MIGA1: variants seen among roughly 807,000 people sequenced by gnomAD.
MIGA1 encodes the protein mitoguardin 1, also known as family with sequence similarity 73, member A.
In MIGA1, 58 loss-of-function variants were observed where a neutral mutation model predicts 82.0. That is an observed-to-expected ratio of 0.71 (90% CI 0.57 to 0.88). The LOEUF (loss-of-function observed/expected upper bound fraction) is 0.88, where lower values mean the gene tolerates loss of function less well. MIGA1 is among the 40% of genes least tolerant of loss of function. The probability of loss-of-function intolerance (pLI) is 0.00; values close to 1 mark genes in which losing one functional copy is unlikely to be tolerated. For synonymous variants in MIGA1, 249 were observed against 253.6 expected (o/e 0.98, Z 0.17); for missense variants, 751 against 749.1 (o/e 1.00, Z -0.03).
chr1:77,793,565 T>C (rs554270877), intron 2 of MIGA1, among the ~76,000 whole-genome samples: 1 of 151,994 alleles, frequency 6.6e-6, no homozygotes, highest in South Asian at 2.1e-4. Flanking sequence ...GCTCAAGTGA[T>C]TCTCATGCCT....
chr1:77,859,387 G>A lies in MIGA1; in HGVS notation c.1188+1G>A. 6.2e-7 allele frequency: 1 copy of A among 1,612,340 alleles called. No homozygotes were observed. The highest frequency in any genetic ancestry group is 8.5e-7 in the Non-Finnish European group (1 of 1,178,510). ...TCACTGTATTCGACAGGCTTTTCAG[G>A]TATTTTTTTAACATTAAGTGACTTC... On this transcript the variant is annotated splice_donor_variant, in intron 10 of 15. Transcript: ENST00000370791. LOFTEE classifies it high-confidence loss of function.
intron 7 of MIGA1, among the ~76,000 whole-genome samples, chr1:77,821,100 C>T (rs544508781): frequency 6.6e-6 from 1 of 151,054 alleles, no homozygotes; most frequent in Non-Finnish European, 1.5e-5. Flanking sequence ...TGCCATTGCA[C>T]TCCAGACTGG....
chr1:77,856,440 A>C (rs372450831), intron 8 of MIGA1, among the ~76,000 whole-genome samples: 366 of 152,272 alleles, frequency 2.4e-3, no homozygotes, highest in Non-Finnish European at 4.6e-3. Context: ...AATAGTGTCA[A>C]AAGGATTAGT....
rs181743287 is a variant in MIGA1 at position 77,862,742 on chromosome 1, A to G, written c.1375-1152A>G. Among the ~76,000 whole-genome samples the G allele has an allele frequency of 1.6e-4, 24 of 152,186 alleles. No homozygotes were observed. In the East Asian group the frequency reaches 4.7e-3, roughly 30 times the overall value. Reference sequence around the variant, plus strand: ...GATCACTTGAGGCCAGGAGTTTGAGATCAGCCAGGCCAACATGGTGAAGCC... The same window carrying G: ...GATCACTTGAGGCCAGGAGTTTGAGGTCAGCCAGGCCAACATGGTGAAGCC... On this transcript the variant is annotated intron_variant, in intron 12 of 15. Coordinates refer to ENST00000370791, the MANE Select transcript of MIGA1 (RefSeq NM_198549.4).
Position 77,810,165 on chromosome 1 carries a change from A to AAC in MIGA1, c.637+3066_637+3067dup, listed in dbSNP as rs540206820. Among the ~76,000 whole-genome samples the AAC allele has an allele frequency of 4.9e-4, 72 of 145,508 alleles. 1 individual carries two copies. In the South Asian group the frequency reaches 0.017, roughly 34 times the overall value. On this transcript the variant is annotated intron_variant, in intron 5 of 15. Transcript: ENST00000370791. ...AAAGAGTAACAATGTGATGTAGAAG[A>AAC]ACAGCTAATCGACATGACTAAAAAT...
At position 77,779,691 on chromosome 1, in the gene MIGA1, G is replaced by A. The variant is rs1386387676; in HGVS notation, c.36G>A (p.Trp12Ter). 3 of 1,590,588 alleles carry A rather than the reference G, an allele frequency of 1.9e-6. No homozygotes were observed. The highest frequency in any genetic ancestry group is 1.1e-5 in the South Asian group (1 of 87,260). ...GCTGCTCAGCGCCAGGCATCAGCTGGGAAGCTGGCGTGGGCAGGCCAGCTG... is the reference window on the plus strand; with the variant it reads ...GCTGCTCAGCGCCAGGCATCAGCTGAGAAGCTGGCGTGGGCAGGCCAGCTG... Residue 12 changes from tryptophan to a stop codon, truncating the protein, a stop_gained, in exon 1 of 16, where the codon TGG becomes TGA. It introduces an in-frame stop codon into an upstream open reading frame of the 5' UTR. Coordinates refer to ENST00000370791, the MANE Select transcript of MIGA1 (RefSeq NM_198549.4). LOFTEE classifies it high-confidence loss of function.
intron 7 of MIGA1, among the ~76,000 whole-genome samples, chr1:77,827,475 AAAAAT>A (rs917739103): frequency 9.2e-5 from 14 of 151,918 alleles, no homozygotes; most frequent in African/African-American, 3.4e-4. Context: ...CCCTGTCTCA[AAAAAT>A]AAAATAAAAT....
In MIGA1 at chr1:77,878,056, T is replaced by C. The variant is rs542764268; in HGVS notation, c.*2992T>C. Reference sequence around the variant, plus strand: ...CTTGAACTTTTTAAAGGAAATGTCCTCTTGAAAAGAACATTTCTGACTGCA... The same window carrying C: ...CTTGAACTTTTTAAAGGAAATGTCCCCTTGAAAAGAACATTTCTGACTGCA... On this transcript the variant is annotated 3_prime_UTR_variant, in exon 16 of 16. Transcript: ENST00000370791. 21 of 152,132 alleles carry C rather than the reference T, an allele frequency of 1.4e-4. No individual in the cohort carries two copies. The highest frequency in any genetic ancestry group is 2.5e-4 in the Non-Finnish European group (17 of 68,018). The allele number at this position is 152,132 out of a possible 1,614,324, so 9.4% of individuals were successfully genotyped here. A position where few individuals can be genotyped will look rare whatever the true frequency, so the allele number is the denominator to read the frequency against.
At chr1:77,849,135 C>T (rs1684950586) in intron 8 of MIGA1, among the ~76,000 whole-genome samples, 1 of 152,278 alleles carries the variant, frequency 6.6e-6, no homozygotes, top group Non-Finnish European at 1.5e-5. Flanking sequence ...TGTGGTAGCT[C>T]GTGCCTGTAA....
chr1:77,854,994 C>A (rs1345102235), intron 8 of MIGA1, among the ~76,000 whole-genome samples: 2 of 152,094 alleles, frequency 1.3e-5, no homozygotes, highest in Non-Finnish European at 2.9e-5. Flanking sequence ...AAGGGTTTTT[C>A]CAATGTTATC....
intron 3 of MIGA1, among the ~76,000 whole-genome samples, chr1:77,802,130 C>G (rs1570935184): frequency 6.6e-6 from 1 of 152,180 alleles, no homozygotes; most frequent in Admixed American, 6.5e-5. Flanking sequence ...ATTCCTTAAA[C>G]ATGCTGAGTT....
At chr1:77,799,132 C>G (rs901696774) in intron 2 of MIGA1, among the ~76,000 whole-genome samples, 6 of 152,034 alleles carry the variant, frequency 3.9e-5, no homozygotes, top group African/African-American at 1.4e-4. Context: ...TTTTTTGCAT[C>G]TATCAATGAG....
intron 8 of MIGA1, chr1:77,848,082 G>C (rs1243011094): frequency 3.1e-6 from 4 of 1,299,066 alleles, no homozygotes; most frequent in Non-Finnish European, 4.5e-6. Flanking sequence ...CGAGAAAAGG[G>C]AAGATCAGCA....
rs1682007871 is a variant in MIGA1 at position 77,783,368 on chromosome 1, A to G, written c.195+17A>G. Reference sequence around the variant, plus strand: ...CTCTCCCAGGTAAATAAAAGAAGCAAACAGGAAGTTGAATATTAAGCTTAT... The same window carrying G: ...CTCTCCCAGGTAAATAAAAGAAGCAGACAGGAAGTTGAATATTAAGCTTAT... On this transcript the variant is annotated intron_variant, in intron 2 of 15. Coordinates refer to ENST00000370791, the MANE Select transcript of MIGA1 (RefSeq NM_198549.4). 6.9e-7 allele frequency: 1 copy of G among 1,449,458 alleles called. No homozygotes were observed. Among genetic ancestry groups the G allele is most frequent in the Non-Finnish European group, 9.6e-7 (1 of 1,045,668 alleles). 89.8% of individuals were successfully genotyped at this position (1,449,458 alleles called of 1,614,324 possible). A position where few individuals can be genotyped will look rare whatever the true frequency, so the allele number is the denominator to read the frequency against.
At chr1:77,820,658 G>A (rs1187962650) in intron 7 of MIGA1, among the ~76,000 whole-genome samples, 2 of 150,820 alleles carry the variant, frequency 1.3e-5, no homozygotes, top group Non-Finnish European at 3.0e-5. Context: ...TCCTGTATTT[G>A]CCAATTTCAA....
chr1:77,843,202 G>GT, intron 7 of MIGA1, 105 bp from the exon 8 acceptor site: 1 of 728,546 alleles, frequency 1.4e-6, no homozygotes, highest in Non-Finnish European at 2.3e-6. Context: ...GACACTAGTA[G>GT]TCTAAATAAA....
intron 10 of MIGA1, 135 bp downstream of exon 10, chr1:77,859,521 A>G: frequency 3.2e-6 from 2 of 621,900 alleles, no homozygotes; most frequent in East Asian, 2.7e-5. Context: ...AAAGTCCACT[A>G]AACTTATTTT....
At chr1:77,866,304 T>C in intron 13 of MIGA1, 34 bp from the exon 14 acceptor site, 1 of 1,595,976 alleles carries the variant, frequency 6.3e-7, no homozygotes, top group East Asian at 2.2e-5. Context: ...TATATAGCTA[T>C]ATATAAATCT....
intron 2 of MIGA1, among the ~76,000 whole-genome samples, chr1:77,795,693 G>A (rs1161231531): frequency 6.7e-6 from 1 of 148,818 alleles, no homozygotes; most frequent in Non-Finnish European, 1.5e-5. Flanking sequence ...GTAGTGGCAT[G>A]ATCTCGGCTC....
Sources: allele counts gnomAD v4.1 joint callset (sites outside exome capture counted in the v4.1 genomes callset), GRCh38; gene constraint gnomAD v4.1.1; transcripts MANE v1.5; gene names NCBI Gene and HGNC (gene_info 2026-07-23, HGNC 2026-07-21).